PARVB: variants seen among roughly 807,000 people sequenced by gnomAD.
PARVB encodes the protein parvin beta.
In PARVB, 46 loss-of-function variants were observed where a neutral mutation model predicts 47.0. The observed-to-expected ratio is 0.98, with a 90% CI of 0.77 to 1.25. The LOEUF is 1.25. Ranked by LOEUF, PARVB falls within the 50% of genes most tolerant of loss-of-function variation. The probability of loss-of-function intolerance (pLI) is 0.00; values close to 1 mark genes in which losing one functional copy is unlikely to be tolerated. For synonymous variants in PARVB, 196 were observed against 196.3 expected, an observed-to-expected ratio of 1.00 and a Z score of 0.01; for missense variants, 473 against 471.6, an observed-to-expected ratio of 1.00 and a Z score of -0.03.
Position 44,168,831 on chromosome 22 carries a change from C to T in PARVB, c.*153C>T. 1.7e-6 allele frequency: 1 copy of T among 599,120 alleles called. No individual in the cohort carries two copies. The highest frequency in any genetic ancestry group is 2.0e-5 in the South Asian group (1 of 50,352). The allele number at this position is 599,120 out of a possible 1,614,324, so 37.1% of individuals were successfully genotyped here. A position where few individuals can be genotyped will look rare whatever the true frequency, so the allele number is the denominator to read the frequency against. ...CCCCACCCCTACCTCACGCCTGCCCCACCCCCTGCCTCTTTTGGTTGTTGT... is the reference window on the plus strand; with the variant it reads ...CCCCACCCCTACCTCACGCCTGCCCTACCCCCTGCCTCTTTTGGTTGTTGT... On this transcript the variant is annotated 3_prime_UTR_variant, in exon 13 of 13. Transcript: ENST00000338758.
chr22:44,092,771 G>A (rs2052202248), intron 1 of PARVB, among the ~76,000 whole-genome samples: 1 of 152,230 alleles, frequency 6.6e-6, no homozygotes, highest in Non-Finnish European at 1.5e-5. Context: ...CGGCCAGCAT[G>A]AGTGGGGCCC....
At chr22:44,041,376 C>A (rs1453294766) in intron 1 of PARVB, among the ~76,000 whole-genome samples, 4 of 152,116 alleles carry the variant, frequency 2.6e-5, no homozygotes, top group Admixed American at 2.0e-4. Context: ...CCTGTGGTCT[C>A]AGCCACTTGG....
intron 1 of PARVB, among the ~76,000 whole-genome samples, chr22:44,093,129 G>C (rs2052212531): frequency 6.6e-6 from 1 of 152,240 alleles, no homozygotes; most frequent in Non-Finnish European, 1.5e-5. Flanking sequence ...GGCTGTGACT[G>C]TGGAGAAAGC....
chr22:44,011,597 C>T (rs2050523884), intron 2 of PARVB, among the ~76,000 whole-genome samples: 1 of 152,070 alleles, frequency 6.6e-6, no homozygotes. Flanking sequence ...TGCCCTCCAG[C>T]CTGGGTGACA....
At chr22:44,122,520 C>CAGAGAG (rs1569134259) in intron 4 of PARVB, among the ~76,000 whole-genome samples, 1 of 49,882 alleles carries the variant, frequency 2.0e-5, no homozygotes, top group Non-Finnish European at 4.2e-5. Flanking sequence ...GAGAGAGAGA[C>CAGAGAG]AGAGAGACAG....
At chr22:44,023,072 G>A (rs2050670010), upstream of PARVB, among the ~76,000 whole-genome samples, 1 of 152,048 alleles carries the variant, frequency 6.6e-6, no homozygotes, top group Admixed American at 6.6e-5. Flanking sequence ...TTCAAGGCTG[G>A]GGCTTCTGGC....
chr22:44,045,074 A>G (rs954382209), intron 1 of PARVB, among the ~76,000 whole-genome samples: 2 of 152,032 alleles, frequency 1.3e-5, no homozygotes, highest in African/African-American at 4.8e-5. Flanking sequence ...CCCCATCTCT[A>G]CAAAAAATAA....
chr22:44,122,516 GAGAC>G lies in PARVB; in HGVS notation c.376+3380_376+3383del, dbSNP rs1569134236. Among the ~76,000 whole-genome samples, 690 of 85,746 alleles carry G rather than the reference GAGAC, an allele frequency of 8.0e-3. 33 individuals are homozygous for G. Among genetic ancestry groups the G allele is most frequent in the African/African-American group, 0.045 (572 of 12,824 alleles). The allele number at this position is 85,746 out of a possible 152,430, so 56.3% of individuals were successfully genotyped here. A position where few individuals can be genotyped will look rare whatever the true frequency, so the allele number is the denominator to read the frequency against. ...AGAGAGAGAGAGAGAGAGAGAGAGAGAGACAGAGAGACAGAGAGAGAGAGAGAGA... is the reference window on the plus strand; with the variant it reads ...AGAGAGAGAGAGAGAGAGAGAGAGAGAGAGAGACAGAGAGAGAGAGAGAGA... On this transcript the variant is annotated intron_variant, in intron 4 of 12. Coordinates refer to ENST00000338758, the MANE Select transcript of PARVB (RefSeq NM_013327.5).
At chr22:44,015,173 A>C (rs563477185) in intron 2 of PARVB, among the ~76,000 whole-genome samples, 4 of 152,078 alleles carry the variant, frequency 2.6e-5, no homozygotes, top group African/African-American at 7.2e-5. Flanking sequence ...TTAAAAAAAA[A>C]AAAAAGTTCT....
At chr22:44,029,917 AAAAAG>A (rs1337416741) in intron 1 of PARVB, among the ~76,000 whole-genome samples, 3 of 107,760 alleles carry the variant, frequency 2.8e-5, no homozygotes, top group South Asian at 3.0e-4. Context: ...CTCAAAAAAA[AAAAAG>A]AAAAGAAAAG....
Position 44,172,621 on chromosome 22 carries a change from C to T in PARVB, c.*3943C>T, listed in dbSNP as rs559652908. 2 of 238,060 alleles carry T rather than the reference C, an allele frequency of 8.4e-6. No homozygotes were observed. The highest frequency in any genetic ancestry group is 1.1e-4 in the Admixed American group (2 of 19,024). The allele number at this position is 238,060 out of a possible 1,614,324, so 14.7% of individuals were successfully genotyped here. A position where few individuals can be genotyped will look rare whatever the true frequency, so the allele number is the denominator to read the frequency against. On this transcript the variant is annotated 3_prime_UTR_variant, in exon 13 of 13. Coordinates refer to ENST00000338758, the MANE Select transcript of PARVB (RefSeq NM_013327.5). ...CAGAGTCCCGCTGGGCCGTGGTGTC[C>T]TAATTGTCTTGGTGACAAAGAGCAA... is the stretch of plus-strand genomic sequence containing the variant.
intron 4 of PARVB, among the ~76,000 whole-genome samples, chr22:44,121,370 C>T (rs1459561440): frequency 2.0e-5 from 3 of 152,000 alleles, no homozygotes; most frequent in Non-Finnish European, 4.4e-5. Context: ...TCCTGTTCAC[C>T]CATGATGCGC....
intron 3 of PARVB, chr22:44,113,314 T>TACTA (rs1169324007): frequency 3.7e-5 from 3 of 81,424 alleles, no homozygotes; most frequent in African/African-American, 1.3e-4. Flanking sequence ...GATACATTGT[T>TACTA]ACTAAGGCCC....
intron 1 of PARVB, among the ~76,000 whole-genome samples, chr22:44,029,316 C>T (rs2050783738): frequency 2.0e-5 from 3 of 152,134 alleles, no homozygotes; most frequent in African/African-American, 7.2e-5. Context: ...TTGTTTGTTT[C>T]CTTACTGTTG....
intron 2 of PARVB, among the ~76,000 whole-genome samples, chr22:44,011,849 C>T (rs921174043): frequency 2.6e-5 from 4 of 152,140 alleles, no homozygotes; most frequent in South Asian, 2.1e-4. Context: ...TCATTCTCTC[C>T]TTCATCCAAA....
chr22:44,075,936 G>A (rs1246887291), intron 1 of PARVB, among the ~76,000 whole-genome samples: 3 of 152,222 alleles, frequency 2.0e-5, no homozygotes, highest in African/African-American at 4.8e-5. Flanking sequence ...CCAGGCCCCT[G>A]CCCTGAGGTT....
intron 1 of PARVB, among the ~76,000 whole-genome samples, chr22:44,048,107 C>T (rs970648025): frequency 5.3e-5 from 8 of 152,088 alleles, no homozygotes; most frequent in African/African-American, 1.2e-4. Flanking sequence ...AACAGATGCG[C>T]GGACACAGAA....
At chr22:44,119,166 G>T (rs374575442) in intron 4 of PARVB, 26 bp downstream of exon 4, 2 of 1,504,704 alleles carry the variant, frequency 1.3e-6, no homozygotes, top group African/African-American at 1.4e-5. Context: ...GGACAGCTCT[G>T]TCCCACCCCC....
upstream of PARVB, among the ~76,000 whole-genome samples, chr22:44,019,883 C>T (rs116409164): frequency 5.1e-3 from 774 of 152,288 alleles, 10 homozygotes; most frequent in African/African-American, 0.018. Flanking sequence ...CATAGCACTC[C>T]CAAAAGATGC....
Sources: allele counts gnomAD v4.1 joint callset (sites outside exome capture counted in the v4.1 genomes callset), GRCh38; gene constraint gnomAD v4.1.1; transcripts MANE v1.5; gene names NCBI Gene and HGNC (gene_info 2026-07-23, HGNC 2026-07-21).